HMCN2: variants seen among roughly 807,000 people sequenced by gnomAD.
The protein encoded by HMCN2 is hemicentin-2.
Under a neutral mutation model 377.5 loss-of-function variants are expected in HMCN2, and 325 were observed. The ratio of observed to expected loss-of-function variants is 0.86; its 90% CI spans 0.79 to 0.94. HMCN2 has a LOEUF of 0.94. HMCN2 is among the 40% of genes least tolerant of loss of function. The probability of loss-of-function intolerance (pLI) is 0.00; values close to 1 mark genes in which losing one functional copy is unlikely to be tolerated. For missense variants in HMCN2, 4,543 were observed against 4,725.3 expected, an observed-to-expected ratio of 0.96 and a Z score of 1.13; for synonymous variants, 2,007 against 2,046.8, an observed-to-expected ratio of 0.98 and a Z score of 0.53.
At chr9:130,321,266 G>A (rs905685409) in intron 18 of HMCN2, among the ~76,000 whole-genome samples, 12 of 152,112 alleles carry the variant, frequency 7.9e-5, no homozygotes, top group Non-Finnish European at 1.2e-4. Context: ...GAGCTGTGCG[G>A]TTTCCTATCT....
chr9:130,372,691 G>C (rs555460079), intron 47 of HMCN2, among the ~76,000 whole-genome samples: 1 of 152,168 alleles, frequency 6.6e-6, no homozygotes, highest in African/African-American at 2.4e-5. Context: ...TGCAGTGATC[G>C]TGCCACTGCA....
At chr9:130,426,602 C>G (rs1347000515) in intron 90 of HMCN2, among the ~76,000 whole-genome samples, 1 of 152,202 alleles carries the variant, frequency 6.6e-6, no homozygotes, top group Non-Finnish European at 1.5e-5. Context: ...TAGCCTGGCA[C>G]CTAGTGGCTG....
In HMCN2 at chr9:130,408,922, C is replaced by T. The variant is rs1275257876; in HGVS notation, c.12868C>T (p.Arg4290Cys). ...GCTGCAGAATGGCTCGCTGACCATC[C>T]GCAGGACTGAGGCAAGGCGGGGCCT... ...HQLQNGSLTI[R>C]RTERDDAGRY... Residue 4290 changes from arginine (R) to cysteine (C), a missense_variant, in exon 84 of 98, where the codon CGC becomes TGC. Physicochemically the swap from Arg to Cys is radical, Grantham distance 180. Transcript: ENST00000683500. 29 of 1,289,216 alleles carry T rather than the reference C, an allele frequency of 2.2e-5. No individual in the cohort carries two copies. In the Admixed American group the frequency reaches 3.2e-4, roughly 14 times the overall value. The allele number at this position is 1,289,216 out of a possible 1,614,324, so 79.9% of individuals were successfully genotyped here.
intron 23 of HMCN2, among the ~76,000 whole-genome samples, chr9:130,339,787 C>A (rs1319866538): frequency 6.6e-6 from 1 of 152,230 alleles, no homozygotes. Context: ...AGGGGTTGGT[C>A]TCCACCCAAG....
At chr9:130,356,315 G>A (rs1182641187) in intron 34 of HMCN2, 58 bp downstream of exon 34, 5 of 1,248,496 alleles carry the variant, frequency 4.0e-6, no homozygotes, top group Admixed American at 2.5e-5. Flanking sequence ...AGGGGTGGGT[G>A]GAGCCTGGGC....
At chr9:130,412,843 C>T (rs1843501755) in intron 85 of HMCN2, among the ~76,000 whole-genome samples, 3 of 152,220 alleles carry the variant, frequency 2.0e-5, no homozygotes, top group Non-Finnish European at 4.4e-5. Flanking sequence ...TCCTAAAGTG[C>T]GGATTACAGG....
rs1048781109 is a variant in HMCN2, at chr9:130,407,696, C to T, written c.12679C>T (p.His4227Tyr). ...VGRTQAVSFV[H>Y]VKEAPVLQGE... ...CCGCACGCAGGCGGTCAGCTTCGTC[C>T]ACGTGAAGGGTAGGGCACATTCCCC... The change falls in exon 83 of 98, where the codon CAC (histidine) becomes TAC (tyrosine). Residue 4227 changes from histidine to tyrosine, a missense_variant. Coordinates refer to ENST00000683500, the MANE Select transcript of HMCN2 (RefSeq NM_001291815.2). 8.0e-7 allele frequency: 1 copy of T among 1,248,190 alleles called. No individual in the cohort carries two copies. The highest frequency in any genetic ancestry group is 1.0e-6 in the Non-Finnish European group (1 of 963,440). 77.3% of individuals were successfully genotyped at this position (1,248,190 alleles called of 1,614,324 possible).
rs780946967 is a variant in HMCN2 at position 130,428,260 on chromosome 9, G to T, written c.14066-98G>T. The stretch of plus-strand genomic sequence containing the variant: ...CTTCCTGCCAGTGGCTCCTGGGCCT[G>T]CGGACGAAGCCTCTGTGGATAGGCC... On this transcript the variant is annotated intron_variant, in intron 92 of 97. Coordinates refer to ENST00000683500, the MANE Select transcript of HMCN2 (RefSeq NM_001291815.2). The surrounding 1 kb of genome is among the most constrained non-coding windows in gnomAD (Gnocchi z 5.0). 3.6e-6 allele frequency: 5 copies of T among 1,384,508 alleles called. No homozygotes were observed. Among genetic ancestry groups the T allele is most frequent in the African/African-American group, 1.4e-5 (1 of 69,056 alleles). The allele number at this position is 1,384,508 out of a possible 1,614,324, so 85.8% of individuals were successfully genotyped here. A position where few individuals can be genotyped will look rare whatever the true frequency, so the allele number is the denominator to read the frequency against.
In HMCN2 at chr9:130,391,547, G is replaced by A. The variant is rs558990648; in HGVS notation, c.9925G>A (p.Ala3309Thr). 78 of 987,546 alleles carry A rather than the reference G, an allele frequency of 7.9e-5. No homozygotes were observed. The highest frequency in any genetic ancestry group is 1.9e-4 in the South Asian group (4 of 21,364). The allele number at this position is 987,546 out of a possible 1,614,324, so 61.2% of individuals were successfully genotyped here. Residue 3309 changes from alanine to threonine, a missense_variant, in exon 65 of 98, where the codon GCC (alanine) becomes ACC (threonine). Coordinates refer to ENST00000683500, the MANE Select transcript of HMCN2 (RefSeq NM_001291815.2). The part of the protein sequence containing the change: ...CVAHNPAGED[A>T]RLHTVNVLVP... ...GGCCCACAACCCAGCCGGGGAGGAC[G>A]CCAGGCTGCACACGGTGAATGTGCT...
intron 32 of HMCN2, 149 bp downstream of exon 32, chr9:130,355,193 G>A (rs1302465237): frequency 3.4e-5 from 22 of 646,274 alleles, no homozygotes; most frequent in South Asian, 1.3e-4. Flanking sequence ...AGATGAGGAC[G>A]CTGAGGCCTG....
intron 85 of HMCN2, 98 bp downstream of exon 85, chr9:130,410,750 G>A: frequency 1.0e-6 from 1 of 996,608 alleles, no homozygotes; most frequent in South Asian, 1.4e-5. Context: ...GCTGGGACTT[G>A]GAATTCTTTC....
intron 90 of HMCN2, 38 bp from the exon 91 acceptor site, chr9:130,427,275 C>A (rs1006555736): frequency 1.9e-6 from 3 of 1,544,136 alleles, no homozygotes; most frequent in East Asian, 2.4e-5. Flanking sequence ...GGAGAGGACA[C>A]CCTCATGTCC....
intron 43 of HMCN2, among the ~76,000 whole-genome samples, chr9:130,366,354 T>C (rs1208647162): frequency 6.6e-6 from 1 of 151,862 alleles, no homozygotes; most frequent in Non-Finnish European, 1.5e-5. Flanking sequence ...CTGTGTGTGC[T>C]CCTCCATTAG....
intron 43 of HMCN2, among the ~76,000 whole-genome samples, chr9:130,367,941 CA>C (rs10565235): frequency 0.036 from 2,683 of 75,412 alleles, 13 homozygotes; most frequent in Non-Finnish European, 0.045. Flanking sequence ...GACTCTGTCT[CA>C]AAAAAAAAAA....
chr9:130,313,056 A>G (rs1837352986), intron 15 of HMCN2, among the ~76,000 whole-genome samples: 1 of 151,792 alleles, frequency 6.6e-6, no homozygotes, highest in Non-Finnish European at 1.5e-5. Flanking sequence ...CCTGTGGCAG[A>G]GTTTCTTTCT....
intron 22 of HMCN2, among the ~76,000 whole-genome samples, chr9:130,335,452 C>T (rs1322744223): frequency 5.3e-5 from 8 of 152,130 alleles, no homozygotes; most frequent in Admixed American, 1.3e-4. Context: ...GGTGTCTTCT[C>T]GCGTATTCCT....
rs1262712851 is a variant in HMCN2 at position 130,277,994 on chromosome 9, TCACCACCACCAC to T, written c.260-6606_260-6595del. 3.6e-4 allele frequency among the ~76,000 whole-genome samples: 15 copies of T among 41,350 alleles called. 1 individual carries two copies. The highest frequency in any genetic ancestry group is 2.3e-3 in the African/African-American group (12 of 5,136). 27.1% of individuals were successfully genotyped at this position (41,350 alleles called of 152,430 possible). ...ATCATCATCACCACCACCACGATCA[TCACCACCACCAC>T]CATCATCATCACCACCACCACGATC... is the stretch of plus-strand genomic sequence containing the variant. On this transcript the variant is annotated intron_variant, in intron 1 of 97. Transcript: ENST00000683500.
chr9:130,354,078 T>C (rs1458966716), intron 31 of HMCN2, among the ~76,000 whole-genome samples: 2 of 152,090 alleles, frequency 1.3e-5, no homozygotes, highest in African/African-American at 4.8e-5. Context: ...GGAAATGAAA[T>C]AGAAAATGTG....
At chr9:130,365,030 G>A (rs1231842877) in intron 41 of HMCN2, 141 bp downstream of exon 41, 14 of 394,950 alleles carry the variant, frequency 3.5e-5, no homozygotes, top group Non-Finnish European at 4.5e-5. Flanking sequence ...CTGGTTCCTC[G>A]GGGCCTCCCT....
Sources: allele counts gnomAD v4.1 joint callset (sites outside exome capture counted in the v4.1 genomes callset), GRCh38; gene constraint gnomAD v4.1.1; non-coding constraint Gnocchi (gnomAD v3.1); transcripts MANE v1.5; gene names NCBI Gene and HGNC (gene_info 2026-07-23, HGNC 2026-07-21).